The following VCAN variants were observed in gnomAD, a reference collection of about 807,000 sequenced individuals.
VCAN encodes the protein versican.
In VCAN, 44 loss-of-function variants were observed where a neutral mutation model predicts 245.5. The observed-to-expected ratio is 0.18, with a 90% CI of 0.14 to 0.23. The LOEUF (loss-of-function observed/expected upper bound fraction) is 0.23, where lower values mean the gene tolerates loss of function less well. Among genes scored for constraint, VCAN ranks in the 10% least tolerant of loss-of-function variants. VCAN has a pLI of 1.00. For synonymous variants in VCAN, 1,413 were observed against 1,437.0 expected (o/e 0.98, Z 0.38); for missense variants, 3,793 against 4,057.9 (o/e 0.93, Z 1.77).
chr5:83,519,900 GA>G lies in VCAN; in HGVS notation c.1598del (p.Lys533ArgfsTer4). On this transcript the variant is annotated frameshift_variant, in exon 7 of 15. Coordinates refer to ENST00000265077, the MANE Select transcript of VCAN (RefSeq NM_004385.5). LOFTEE classifies it high-confidence loss of function. Reference sequence around the variant, plus strand: ...AAGAATGATCCTGGAATCCAAAACTGAAAAGAAAATGGTAAGCACTGTTTCT... The same window carrying G: ...AAGAATGATCCTGGAATCCAAAACTGAAAGAAAATGGTAAGCACTGTTTCT... ...TARMILESKT[E>X]KKMVSTVSEL... 1.2e-6 allele frequency: 2 copies of G among 1,614,088 alleles called. No homozygotes were observed. Among genetic ancestry groups the G allele is most frequent in the Non-Finnish European group, 1.7e-6 (2 of 1,179,952 alleles).
intron 7 of VCAN, among the ~76,000 whole-genome samples, chr5:83,535,139 C>T (rs997754578): frequency 2.0e-5 from 3 of 152,058 alleles, no homozygotes; most frequent in Non-Finnish European, 4.4e-5. Flanking sequence ...TTTTATAACA[C>T]ACTAGAGTTA....
At position 83,541,446 on chromosome 5, in the gene VCAN, T is replaced by G; in HGVS notation, c.8443T>G (p.Ser2815Ala). 5 of 1,614,092 alleles carry G rather than the reference T, an allele frequency of 3.1e-6. No individual in the cohort carries two copies. The highest frequency in any genetic ancestry group is 4.2e-6 in the Non-Finnish European group (5 of 1,180,000). The change falls in exon 8 of 15, where the codon TCA becomes GCA. Residue 2815 changes from serine (S) to alanine (A), a missense_variant. Physicochemically the swap from Ser to Ala is moderately conservative, Grantham distance 99 (BLOSUM62 1). This residue lies in a region of VCAN where 3,182 missense variants were observed against 3,250.3 expected (regional missense o/e 0.98). Coordinates refer to ENST00000265077, the MANE Select transcript of VCAN (RefSeq NM_004385.5). ...TTACACTGATACAACATTAGCAGTT[T>G]CAACATTTGCGAAGTTGTCTTCTCA... Reference protein sequence around the residue: ...PYYTDTTLAVSTFAKLSSQTP... With the variant: ...PYYTDTTLAVATFAKLSSQTP...
Position 83,537,065 on chromosome 5 carries a change from T to G in VCAN, c.4062T>G (p.Asp1354Glu), listed in dbSNP as rs758524645. Residue 1354 changes from aspartate to glutamate, a missense_variant, in exon 8 of 15, where the codon GAT becomes GAG. Around this residue, in one of 5 missense-constraint regions of VCAN, gnomAD observed 3,182 missense variants for 3,250.3 expected, o/e 0.98. Coordinates refer to ENST00000265077, the MANE Select transcript of VCAN (RefSeq NM_004385.5). ...CAATAGATTCAGAATCTAAAGAAGA[T>G]GAACCTTGTAGTGAAGAAACAGATC... ...GHPIDSESKE[D>E]EPCSEETDPV... 16 of 1,612,862 alleles carry G rather than the reference T, an allele frequency of 9.9e-6. No homozygotes were observed. The highest frequency in any genetic ancestry group is 1.3e-5 in the African/African-American group (1 of 74,818).
rs925092833 is a variant in VCAN at position 83,581,349 on chromosome 5, T to G, written c.*915T>G. ...AAAAAAAAAAAAAAAAAAAGAAATT[T>G]TGTATATATAACCATTTTAATCTTT... On this transcript the variant is annotated 3_prime_UTR_variant, in exon 15 of 15. Coordinates refer to ENST00000265077, the MANE Select transcript of VCAN (RefSeq NM_004385.5). 1 of 150,422 alleles carries G rather than the reference T, an allele frequency of 6.6e-6. No individual in the cohort carries two copies. The highest frequency in any genetic ancestry group is 1.5e-5 in the Non-Finnish European group (1 of 67,708). The allele number at this position is 150,422 out of a possible 1,614,324, so 9.3% of individuals were successfully genotyped here. A position where few individuals can be genotyped will look rare whatever the true frequency, so the allele number is the denominator to read the frequency against.
In VCAN at chr5:83,537,931, G is replaced by A; in HGVS notation, c.4928G>A (p.Gly1643Glu). The change falls in exon 8 of 15, where the codon GGA (glycine) becomes GAA (glutamate). Residue 1643 changes from glycine to glutamate, a missense_variant. Gly to Glu is a moderately conservative substitution (Grantham distance 98). Transcript: ENST00000265077. ...TCGATTCCAATTACAGAAGGCTCTG[G>A]AGAAGCAGAAGAAGATGAAGATACA... ...SSSIPITEGSGEAEEDEDTMF... is the reference protein window; with the variant it reads ...SSSIPITEGSEEAEEDEDTMF... The A allele has an allele frequency of 6.2e-7, 1 of 1,613,902 alleles. No individual in the cohort carries two copies. Among genetic ancestry groups the A allele is most frequent in the Non-Finnish European group, 8.5e-7 (1 of 1,179,930 alleles).
Position 83,539,711 on chromosome 5 carries a change from T to C in VCAN, c.6708T>C (p.Phe2236=). The C allele has an allele frequency of 2.5e-6, 4 of 1,613,660 alleles. No individual in the cohort carries two copies. The highest frequency in any genetic ancestry group is 3.4e-6 in the Non-Finnish European group (4 of 1,179,968). The change falls in exon 8 of 15, where the codon TTT becomes TTC. Residue 2236 remains phenylalanine (F), a synonymous_variant. Coordinates refer to ENST00000265077, the MANE Select transcript of VCAN (RefSeq NM_004385.5). Reference sequence around the variant, plus strand: ...AAAAGGAAGAAAGTACAAAACATTTTCCGAAAGGCATGAGACCAACAATTC... The same window carrying C: ...AAAAGGAAGAAAGTACAAAACATTTCCCGAAAGGCATGAGACCAACAATTC... ...PIKKEESTKH[F]PKGMRPTIQE...
chr5:83,515,657 A>C (rs1453803461), intron 6 of VCAN, among the ~76,000 whole-genome samples: 2 of 152,196 alleles, frequency 1.3e-5, no homozygotes, highest in Admixed American at 6.5e-5. Flanking sequence ...TGTTTAGCAC[A>C]TTCCTCTATT....
chr5:83,523,990 A>T (rs1746197591), intron 7 of VCAN, among the ~76,000 whole-genome samples: 1 of 152,196 alleles, frequency 6.6e-6, no homozygotes, highest in Non-Finnish European at 1.5e-5. Context: ...ATGGATATGC[A>T]GATTGTTTTT....
At chr5:83,576,552 T>C (rs1185253407) in intron 13 of VCAN, among the ~76,000 whole-genome samples, 3 of 152,170 alleles carry the variant, frequency 2.0e-5, no homozygotes. Flanking sequence ...TTGTTCTTGG[T>C]CAACTTTTGT....
rs1026553951 is a variant in VCAN, at chr5:83,498,032, A to T, written c.748+4101A>T. Among the ~76,000 whole-genome samples, 9 of 152,144 alleles carry T rather than the reference A, an allele frequency of 5.9e-5. No homozygotes were observed. The South Asian group carries it at 1.7e-3, about 28-fold the overall frequency. ...GGTTCAGGAGCTTCTCTCCCCTGTG[A>T]CATAGGCCTATCCTCTTATGGCCTG... On this transcript the variant is annotated intron_variant, in intron 5 of 14. Coordinates refer to ENST00000265077, the MANE Select transcript of VCAN (RefSeq NM_004385.5).
intron 2 of VCAN, among the ~76,000 whole-genome samples, chr5:83,489,592 G>A (rs1325833125): frequency 6.6e-6 from 1 of 152,142 alleles, no homozygotes; most frequent in Non-Finnish European, 1.5e-5. Context: ...CCAGTCCTAT[G>A]AAGCACTTTT....
At chr5:83,500,485 G>A (rs372913951) in intron 5 of VCAN, among the ~76,000 whole-genome samples, 2 of 152,152 alleles carry the variant, frequency 1.3e-5, no homozygotes, top group Non-Finnish European at 2.9e-5. Flanking sequence ...TGAGTGTGAG[G>A]TAGTTTCATG....
intron 2 of VCAN, among the ~76,000 whole-genome samples, chr5:83,486,040 A>G (rs540125235): frequency 2.6e-5 from 4 of 152,214 alleles, no homozygotes; most frequent in Admixed American, 2.6e-4. Flanking sequence ...GGGCTGAGGC[A>G]GGAGAATTGT....
Position 83,538,623 on chromosome 5 carries a change from G to A in VCAN, c.5620G>A (p.Val1874Met), listed in dbSNP as rs550193016. 1.2e-6 allele frequency: 2 copies of A among 1,614,074 alleles called. No homozygotes were observed. The highest frequency in any genetic ancestry group is 4.5e-5 in the East Asian group (2 of 44,878). ...KEVAGTLSPH[V>M]ETTFSTEPTG... ...AGTAGCTGGCACTTTGTCTCCGCAT[G>A]TGGAAACTACATTCTCCACTGAGCC... The change falls in exon 8 of 15, where the codon GTG becomes ATG. Residue 1874 changes from valine to methionine, a missense_variant. Val to Met is a conservative substitution (Grantham distance 21). Around this residue, in one of 5 missense-constraint regions of VCAN, gnomAD observed 3,182 missense variants for 3,250.3 expected, o/e 0.98. Coordinates refer to ENST00000265077, the MANE Select transcript of VCAN (RefSeq NM_004385.5).
intron 7 of VCAN, among the ~76,000 whole-genome samples, chr5:83,528,461 G>T (rs1746385193): frequency 6.6e-6 from 1 of 151,918 alleles, no homozygotes; most frequent in South Asian, 2.1e-4. Context: ...TGTTTGACAT[G>T]GCCTGCTTCA....
intron 10 of VCAN, among the ~76,000 whole-genome samples, chr5:83,550,254 T>C (rs1747408265): frequency 6.6e-6 from 1 of 152,216 alleles, no homozygotes; most frequent in South Asian, 2.1e-4. Context: ...TTGTTTGTGA[T>C]AGTTTCACCT....
chr5:83,532,385 A>G (rs1746556880), intron 7 of VCAN, among the ~76,000 whole-genome samples: 1 of 152,088 alleles, frequency 6.6e-6, no homozygotes, highest in Non-Finnish European at 1.5e-5. Flanking sequence ...ATTTATCTGC[A>G]TATATTAATA....
chr5:83,574,640 TTA>T (rs368858901), intron 13 of VCAN, among the ~76,000 whole-genome samples: 24 of 152,302 alleles, frequency 1.6e-4, no homozygotes, highest in African/African-American at 5.8e-4. Context: ...ACTTTTGAGA[TTA>T]TGTCTTTTGG....
chr5:83,539,779 GAGA>G lies in VCAN; in HGVS notation c.6782_6784del (p.Glu2261del), dbSNP rs769151080. 1.3e-5 allele frequency: 21 copies of G among 1,613,862 alleles called. No individual in the cohort carries two copies. The highest frequency in any genetic ancestry group is 1.6e-4 in the Middle Eastern group (1 of 6,082). ...CTCTTATTCTCTGGACTGGGATCAG[GAGA>G]AGAAGTTTTACCTACTCTACCAACA... On this transcript the variant is annotated inframe_deletion, in exon 8 of 15. Transcript: ENST00000265077.
Sources: gnomAD v4.1 joint callset for allele counts (sites outside exome capture counted in the v4.1 genomes callset) on GRCh38, gnomAD v4.1.1 for gene constraint, gnomAD v4.1.1 regional missense constraint, MANE v1.5 for transcripts, NCBI Gene and HGNC (gene_info 2026-07-23, HGNC 2026-07-21) for gene names.